RNF170: variants seen among roughly 807,000 people sequenced by gnomAD.
RNF170 encodes ring finger protein 170.
In RNF170, 12 loss-of-function variants were observed where a neutral mutation model predicts 32.7. The ratio of observed to expected loss-of-function variants is 0.37; its 90% confidence interval spans 0.24 to 0.60. The LOEUF is 0.60. Ranked by LOEUF, RNF170 falls within the 20% of genes least tolerant of loss-of-function variation. RNF170 has a pLI of 0.72. For missense variants in RNF170, 212 were observed against 311.2 expected (o/e 0.68, Z 2.40); for synonymous variants, 91 against 103.6 (o/e 0.88, Z 0.74).
intron 2 of RNF170, among the ~76,000 whole-genome samples, chr8:42,876,218 A>ATATATATTTTAAAAATATATTTAAATAG (rs1804918142): frequency 2.0e-5 from 3 of 149,758 alleles, no homozygotes; most frequent in African/African-American, 7.3e-5. Context: ...AGAATATTTA[A>ATATATATTTTAAAAATATATTTAAATAG]TATATATTTT....
At chr8:42,867,298 C>G (rs1644472541) in intron 4 of RNF170, among the ~76,000 whole-genome samples, 1 of 151,584 alleles carries the variant, frequency 6.6e-6, no homozygotes, top group Non-Finnish European at 1.5e-5. Context: ...ATGGAGAAAC[C>G]CTGTCACTAC....
intron 3 of RNF170, among the ~76,000 whole-genome samples, chr8:42,870,420 A>G (rs11993799): frequency 0.015 from 2,217 of 152,312 alleles, 53 homozygotes; most frequent in African/African-American, 0.051. Context: ...GAGCTAGTGC[A>G]TAAGCTAACA....
upstream of RNF170, chr8:42,897,096 C>T: frequency 8.1e-7 from 1 of 1,239,102 alleles, no homozygotes; most frequent in Non-Finnish European, 1.0e-6. Context: ...CGGTGTCTGG[C>T]CAGGCGGTAG....
downstream of RNF170, chr8:42,853,152 T>C (rs1802988939): frequency 7.1e-6 from 2 of 280,308 alleles, no homozygotes; most frequent in African/African-American, 4.6e-5. Context: ...ACAAACAAAA[T>C]AAAAAACCTA....
intron 2 of RNF170, among the ~76,000 whole-genome samples, chr8:42,884,994 G>A (rs1302141604): frequency 4.7e-5 from 7 of 148,894 alleles, no homozygotes; most frequent in Non-Finnish European, 7.4e-5. Flanking sequence ...GAGCCACCGC[G>A]CCCTGCCTCT....
intron 2 of RNF170, among the ~76,000 whole-genome samples, chr8:42,884,344 A>C (rs958625607): frequency 6.6e-6 from 1 of 152,096 alleles, no homozygotes; most frequent in African/African-American, 2.4e-5. Context: ...TCAGCCTCCC[A>C]AAGTGCTAGG....
At position 42,896,507 on chromosome 8, in the gene RNF170, T is replaced by A. The variant is rs1806909265; in HGVS notation, c.-31A>T. 2.2e-6 allele frequency: 1 copy of A among 453,658 alleles called. No homozygotes were observed. The highest frequency in any genetic ancestry group is 4.4e-6 in the Non-Finnish European group (1 of 226,684). The allele number at this position is 453,658 out of a possible 1,614,324, so 28.1% of individuals were successfully genotyped here. A position where few individuals can be genotyped will look rare whatever the true frequency, so the allele number is the denominator to read the frequency against. On this transcript the variant is annotated 5_prime_UTR_variant, in exon 1 of 7. Transcript: ENST00000527424. ...ACCTCTCCACCGCGAAGGAACTACC[T>A]CGCCAGTTCCCGGCGACAGAGGACA...
At position 42,879,494 on chromosome 8, in the gene RNF170, T is replaced by C. The variant is rs148353277; in HGVS notation, c.138-5488A>G. Among the ~76,000 whole-genome samples, 522 of 151,832 alleles carry C rather than the reference T, an allele frequency of 3.4e-3. 3 individuals carry two copies. The highest frequency in any genetic ancestry group is 0.011 in the South Asian group (52 of 4,798). The stretch of plus-strand genomic sequence containing the variant: ...AGTGAAACCCTGTCTCTACTAAAAA[T>C]ACAAAAATTAGCCAAGCACGGTGGC... On this transcript the variant is annotated intron_variant, in intron 2 of 6. Coordinates refer to ENST00000527424, the MANE Select transcript of RNF170 (RefSeq NM_030954.4).
rs1223800209 is a variant in RNF170 at position 42,855,031 on chromosome 8, G to A, written c.*1128C>T. ...ATACCGTTCCCAGTACCTTCCTATT[G>A]GCTTGATGCTCAAAGACACGAAGAT... On this transcript the variant is annotated 3_prime_UTR_variant, in exon 7 of 7. Transcript: ENST00000527424. 7.8e-7 allele frequency: 1 copy of A among 1,287,046 alleles called. No individual in the cohort carries two copies. The highest frequency in any genetic ancestry group is 2.3e-5 in the Admixed American group (1 of 43,546). 79.7% of individuals were successfully genotyped at this position (1,287,046 alleles called of 1,614,324 possible).
At chr8:42,868,370 T>A (rs563266668) in intron 4 of RNF170, among the ~76,000 whole-genome samples, 1 of 152,218 alleles carries the variant, frequency 6.6e-6, no homozygotes, top group Non-Finnish European at 1.5e-5. Flanking sequence ...AGTCCCTATA[T>A]GAAAATTTCC....
chr8:42,880,195 A>G (rs1234625718), intron 2 of RNF170, among the ~76,000 whole-genome samples: 2 of 152,204 alleles, frequency 1.3e-5, no homozygotes, highest in Non-Finnish European at 2.9e-5. Flanking sequence ...TCAGATGAGG[A>G]GTTGCTTCCT....
chr8:42,858,108 C>T (rs1453229546), intron 6 of RNF170, among the ~76,000 whole-genome samples: 1 of 152,028 alleles, frequency 6.6e-6, no homozygotes, highest in East Asian at 1.9e-4. Context: ...AAATTTGAAA[C>T]AGGTTGCATT....
At chr8:42,849,771 G>C (rs544776120), downstream of RNF170, 1 of 152,336 alleles carries the variant, frequency 6.6e-6, no homozygotes, top group African/African-American at 2.4e-5. Flanking sequence ...TTTCAACTTA[G>C]AGTTCCCTGA....
chr8:42,852,319 A>T (rs1001148426), downstream of RNF170, among the ~76,000 whole-genome samples: 1 of 152,110 alleles, frequency 6.6e-6, no homozygotes, highest in Non-Finnish European at 1.5e-5. Context: ...TGAAATATAT[A>T]CTTTTATTAC....
At position 42,873,383 on chromosome 8, in the gene RNF170, C is replaced by G. The variant is rs550001815; in HGVS notation, c.213+548G>C. The stretch of plus-strand genomic sequence containing the variant: ...GTTTCTTGATGTTAGATATCTTAGC[C>G]TGAAGGTGTACAATATCCTATTTAT... On this transcript the variant is annotated intron_variant, in intron 3 of 6. Transcript: ENST00000527424. Among the ~76,000 whole-genome samples, 5 of 151,992 alleles carry G rather than the reference C, an allele frequency of 3.3e-5. No homozygotes were observed. In the Middle Eastern group the frequency reaches 0.014, roughly 416 times the overall value.
chr8:42,871,809 T>G (rs2128935864), intron 3 of RNF170, among the ~76,000 whole-genome samples: 1 of 152,330 alleles, frequency 6.6e-6, no homozygotes, highest in East Asian at 1.9e-4. Context: ...TCTGCCCGCC[T>G]CAGCCTCCCA....
intron 2 of RNF170, among the ~76,000 whole-genome samples, chr8:42,887,298 T>A (rs1014907302): frequency 8.9e-5 from 10 of 111,948 alleles, no homozygotes; most frequent in South Asian, 7.6e-4. Context: ...TCTCAAAAAA[T>A]AAATAAATAA....
In RNF170 at chr8:42,854,494, T is replaced by G. The variant is rs1357868989; in HGVS notation, c.*1665A>C. 2 of 1,286,898 alleles carry G rather than the reference T, an allele frequency of 1.6e-6. No individual in the cohort carries two copies. The highest frequency in any genetic ancestry group is 2.0e-6 in the Non-Finnish European group (2 of 988,356). 79.7% of individuals were successfully genotyped at this position (1,286,898 alleles called of 1,614,324 possible). Reference sequence around the variant, plus strand: ...TAAAATGAAAAGTATGTGAGAAACCTGCTTTAATTATAATGTGCTATGTTT... The same window carrying G: ...TAAAATGAAAAGTATGTGAGAAACCGGCTTTAATTATAATGTGCTATGTTT... On this transcript the variant is annotated 3_prime_UTR_variant, in exon 7 of 7. Transcript: ENST00000527424.
At position 42,854,193 on chromosome 8, in the gene RNF170, T is replaced by C. The variant is rs917130659; in HGVS notation, c.*1966A>G. 7.8e-7 allele frequency: 1 copy of C among 1,287,140 alleles called. No individual in the cohort carries two copies. Among genetic ancestry groups the C allele is most frequent in the African/African-American group, 1.5e-5 (1 of 65,806 alleles). 79.7% of individuals were successfully genotyped at this position (1,287,140 alleles called of 1,614,324 possible). On this transcript the variant is annotated 3_prime_UTR_variant, in exon 7 of 7. Transcript: ENST00000527424. The stretch of plus-strand genomic sequence containing the variant: ...ATGTCATCTCCACAGACCTTTCCTC[T>C]TAGGAGTGCCTAAGCTGTCTTACTC...
Sources: allele counts gnomAD v4.1 joint callset (sites outside exome capture counted in the v4.1 genomes callset), GRCh38; gene constraint gnomAD v4.1.1; transcripts MANE v1.5; gene names NCBI Gene and HGNC (gene_info 2026-07-23, HGNC 2026-07-21).